Variants in SEPTIN2 observed in about 807,000 individuals in gnomAD.
SEPTIN2 encodes the protein septin-2.
SEPTIN2 carries 34 observed loss-of-function variants against 46.5 expected under a neutral mutation model. That is an observed-to-expected ratio of 0.73 (90% CI 0.56 to 0.97). The LOEUF is 0.97. Ranked by LOEUF, SEPTIN2 falls within the 50% of genes least tolerant of loss-of-function variation. The probability of loss-of-function intolerance (pLI) is 0.00; values close to 1 mark genes in which losing one functional copy is unlikely to be tolerated. For missense variants in SEPTIN2, 347 were observed against 448.4 expected, an observed-to-expected ratio of 0.77 and a Z score of 2.04; for synonymous variants, 175 against 153.4, an observed-to-expected ratio of 1.14 and a Z score of -1.04.
At chr2:241,341,568 A>G (rs2081264238) in intron 7 of SEPTIN2, among the ~76,000 whole-genome samples, 1 of 152,218 alleles carries the variant, frequency 6.6e-6, no homozygotes, top group African/African-American at 2.4e-5. Context: ...TCCCAGAGAT[A>G]AGATGGTTCC....
At chr2:241,331,958 A>G (rs1014252947) in intron 3 of SEPTIN2, among the ~76,000 whole-genome samples, 2 of 152,216 alleles carry the variant, frequency 1.3e-5, no homozygotes, top group South Asian at 2.1e-4. Flanking sequence ...AAAAAAGCCA[A>G]GTTGATTCAG....
intron 12 of SEPTIN2, 180 bp from the exon 13 acceptor site, chr2:241,351,787 T>C (rs1414216724): frequency 1.3e-5 from 2 of 152,234 alleles, no homozygotes; most frequent in African/African-American, 4.8e-5. Flanking sequence ...TTTTGCAGCA[T>C]TTCCAGTTTC....
At chr2:241,324,928 A>G (rs2077697713) in intron 2 of SEPTIN2, 1 of 152,150 alleles carries the variant, frequency 6.6e-6, no homozygotes, top group African/African-American at 2.4e-5. Context: ...ATTCTGAGAA[A>G]AGCAGAACTT....
At chr2:241,338,640 A>C (rs1365053645) in intron 7 of SEPTIN2, among the ~76,000 whole-genome samples, 1 of 130,256 alleles carries the variant, frequency 7.7e-6, no homozygotes, top group Non-Finnish European at 1.6e-5. Context: ...AAATATATAT[A>C]ATATATATTA....
chr2:241,329,353 C>A (rs1331937274), intron 3 of SEPTIN2, among the ~76,000 whole-genome samples: 2 of 152,076 alleles, frequency 1.3e-5, no homozygotes, highest in Non-Finnish European at 2.9e-5. Flanking sequence ...TGGTCTCGAT[C>A]TCCTGACTTC....
chr2:241,348,976 T>G (rs990764535), intron 11 of SEPTIN2, among the ~76,000 whole-genome samples: 9 of 152,212 alleles, frequency 5.9e-5, no homozygotes, highest in Admixed American at 2.0e-4. Context: ...CAAAGTCACC[T>G]GAAGAAAATT....
chr2:241,341,202 A>G (rs2081219631), intron 7 of SEPTIN2, among the ~76,000 whole-genome samples: 1 of 152,234 alleles, frequency 6.6e-6, no homozygotes, highest in Non-Finnish European at 1.5e-5. Flanking sequence ...TTGCCCTTCC[A>G]GGTATCTTAT....
intron 5 of SEPTIN2, chr2:241,337,144 G>A: frequency 2.2e-6 from 1 of 447,514 alleles, no homozygotes; most frequent in South Asian, 3.8e-5. Context: ...CCCTCTCTCA[G>A]GTGCATCATA....
At chr2:241,327,729 C>A (rs1313952152) in intron 3 of SEPTIN2, among the ~76,000 whole-genome samples, 1 of 151,790 alleles carries the variant, frequency 6.6e-6, no homozygotes, top group Non-Finnish European at 1.5e-5. Context: ...AGCAAATAGA[C>A]CATAGATAAA....
At chr2:241,335,709 T>C in intron 4 of SEPTIN2, 1 of 570,454 alleles carries the variant, frequency 1.8e-6, no homozygotes, top group Non-Finnish European at 3.1e-6. Context: ...TTTAAATGAA[T>C]TCGTAAATTG....
At chr2:241,337,620 G>T in intron 6 of SEPTIN2, 53 bp from the exon 7 acceptor site, 1 of 1,579,782 alleles carries the variant, frequency 6.3e-7, no homozygotes. Context: ...TGAGAGAGAA[G>T]AGTTTTGTAT....
At chr2:241,331,439 C>T (rs1290614088) in intron 3 of SEPTIN2, among the ~76,000 whole-genome samples, 1 of 152,186 alleles carries the variant, frequency 6.6e-6, no homozygotes, top group Non-Finnish European at 1.5e-5. Flanking sequence ...CTCTGTCATC[C>T]AGGCTAGAGT....
At chr2:241,342,831 C>T (rs974683722) in intron 7 of SEPTIN2, among the ~76,000 whole-genome samples, 161 bp from the exon 8 acceptor site, 3 of 152,110 alleles carry the variant, frequency 2.0e-5, no homozygotes, top group African/African-American at 7.2e-5. Context: ...CCACCACACC[C>T]GGCCGCAGTT....
chr2:241,328,123 C>CA (rs1434333363), intron 3 of SEPTIN2, among the ~76,000 whole-genome samples: 2 of 151,886 alleles, frequency 1.3e-5, no homozygotes, highest in East Asian at 3.9e-4. Context: ...GAGGAGTGAC[C>CA]ACTGAATTGT....
rs1377739452 is a variant in SEPTIN2, at chr2:241,337,690, T to C, written c.494T>C (p.Val165Ala). Residue 165 changes from valine to alanine, a missense_variant, in exon 7 of 13, where the codon GTG (valine) becomes GCG (alanine). Val to Ala is a moderately conservative substitution (Grantham distance 64). Transcript: ENST00000391971. Reference protein sequence around the residue: ...PFGHGLKPLDVAFMKAIHNKV... With the variant: ...PFGHGLKPLDAAFMKAIHNKV... ...AATTTTAGACTTAAGCCCTTAGATG[T>C]GGCGTTTATGAAGGCAATACACAAC... 1.9e-6 allele frequency: 3 copies of C among 1,613,788 alleles called. No individual in the cohort carries two copies. The highest frequency in any genetic ancestry group is 2.5e-6 in the Non-Finnish European group (3 of 1,179,770).
intron 4 of SEPTIN2, 89 bp from the exon 5 acceptor site, chr2:241,335,886 A>G: frequency 6.5e-7 from 1 of 1,537,188 alleles, no homozygotes; most frequent in South Asian, 1.1e-5. Flanking sequence ...GTAGAGAGGC[A>G]GTAGACTCTG....
intron 1 of SEPTIN2, among the ~76,000 whole-genome samples, chr2:241,318,595 T>A (rs2076710996): frequency 6.6e-6 from 1 of 152,236 alleles, no homozygotes; most frequent in Admixed American, 6.5e-5. Context: ...CCCATTTCTA[T>A]TCCTTGATAT....
At position 241,352,877 on chromosome 2, in the gene SEPTIN2, T is replaced by C. The variant is rs1295884718; in HGVS notation, c.*940T>C. 1 of 152,256 alleles carries C rather than the reference T, an allele frequency of 6.6e-6. No individual in the cohort carries two copies. 9.4% of individuals were successfully genotyped at this position (152,256 alleles called of 1,614,324 possible). On this transcript the variant is annotated 3_prime_UTR_variant, in exon 13 of 13. Transcript: ENST00000391971. ...CTATTCAGAATCAAACCTTTTTATA[T>C]TTTATACTGCACTTTAGTGTATTTT... is the stretch of plus-strand genomic sequence containing the variant.
intron 3 of SEPTIN2, among the ~76,000 whole-genome samples, chr2:241,329,947 G>T (rs1156925084): frequency 2.6e-5 from 4 of 152,206 alleles, no homozygotes; most frequent in Non-Finnish European, 5.9e-5. Context: ...TGCGAGCTAA[G>T]AACATAAAGT....
Sources: gnomAD v4.1 joint callset for allele counts (sites outside exome capture counted in the v4.1 genomes callset) on GRCh38, gnomAD v4.1.1 for gene constraint, MANE v1.5 for transcripts, NCBI Gene and HGNC (gene_info 2026-07-23, HGNC 2026-07-21) for gene names.